The following SYT1 variants were observed in gnomAD, a reference collection of about 807,000 sequenced individuals.
The protein encoded by SYT1 is synaptotagmin-1.
In SYT1, 8 loss-of-function variants were observed where a neutral mutation model predicts 44.8. The ratio of observed to expected loss-of-function variants is 0.18; its 90% CI spans 0.10 to 0.32. The LOEUF (loss-of-function observed/expected upper bound fraction) is 0.32. Ranked by LOEUF, SYT1 falls within the 10% of genes least tolerant of loss-of-function variation. The pLI is 1.00. For synonymous variants in SYT1, 154 were observed against 188.8 expected (o/e 0.82, Z 1.51); for missense variants, 286 against 509.3 (o/e 0.56, Z 4.22).
At chr12:79,366,054 C>A (rs955899952) in intron 9 of SYT1, among the ~76,000 whole-genome samples, 6 of 152,146 alleles carry the variant, frequency 3.9e-5, no homozygotes, top group Admixed American at 2.0e-4. Flanking sequence ...TTTATAAAAA[C>A]AATTAAGCAT....
chr12:79,205,331 C>A (rs1874056170), intron 3 of SYT1, among the ~76,000 whole-genome samples: 1 of 152,236 alleles, frequency 6.6e-6, no homozygotes. Flanking sequence ...TGAAAAAACT[C>A]ATATCTTTTC....
chr12:79,381,929 C>T (rs1488372753), intron 9 of SYT1, among the ~76,000 whole-genome samples: 1 of 152,072 alleles, frequency 6.6e-6, no homozygotes, highest in Non-Finnish European at 1.5e-5. Flanking sequence ...CTCAGAGGGG[C>T]GTCTATCTGG....
At chr12:79,325,276 G>C (rs1470490643) in intron 8 of SYT1, among the ~76,000 whole-genome samples, 2 of 152,164 alleles carry the variant, frequency 1.3e-5, no homozygotes, top group Non-Finnish European at 2.9e-5. Context: ...AGAGTTCCTG[G>C]TATTTACAGT....
At chr12:79,092,692 A>G (rs545462459) in intron 3 of SYT1, among the ~76,000 whole-genome samples, 151 of 151,846 alleles carry the variant, frequency 9.9e-4, no homozygotes, top group Non-Finnish European at 1.9e-3. Flanking sequence ...ACCCAGTCAA[A>G]TACTACGATC....
chr12:79,289,699 T>C (rs1879480367), intron 5 of SYT1, among the ~76,000 whole-genome samples: 1 of 152,172 alleles, frequency 6.6e-6, no homozygotes, highest in Admixed American at 6.6e-5. Flanking sequence ...AACATGCAGA[T>C]TTATCAAACA....
At chr12:78,998,357 T>C (rs1343780958) in intron 2 of SYT1, among the ~76,000 whole-genome samples, 1 of 152,132 alleles carries the variant, frequency 6.6e-6, no homozygotes, top group Non-Finnish European at 1.5e-5. Flanking sequence ...TAACCCTAAA[T>C]ATGTGAACTC....
At chr12:78,872,492 G>C (rs1431117396) in intron 1 of SYT1, among the ~76,000 whole-genome samples, 2 of 151,744 alleles carry the variant, frequency 1.3e-5, no homozygotes, top group Non-Finnish European at 2.9e-5. Context: ...CTCACAGCCT[G>C]AATAGGAAAG....
chr12:79,070,934 T>C (rs1383596786), intron 3 of SYT1, among the ~76,000 whole-genome samples: 1 of 152,022 alleles, frequency 6.6e-6, no homozygotes, highest in Non-Finnish European at 1.5e-5. Context: ...TAGCCAAAAT[T>C]TGAGATAAGT....
chr12:78,920,589 C>A (rs567314842), intron 1 of SYT1, among the ~76,000 whole-genome samples: 8 of 151,900 alleles, frequency 5.3e-5, no homozygotes, highest in African/African-American at 1.9e-4. Context: ...TCTAAATAAG[C>A]ATTTTTTATT....
chr12:79,294,173 A>G (rs1056580847), intron 6 of SYT1, among the ~76,000 whole-genome samples: 6 of 152,082 alleles, frequency 3.9e-5, no homozygotes, highest in African/African-American at 1.2e-4. Flanking sequence ...TATTAATACT[A>G]TAAGTATCAT....
chr12:79,271,541 G>C (rs777634018), intron 4 of SYT1, among the ~76,000 whole-genome samples: 4 of 152,048 alleles, frequency 2.6e-5, no homozygotes, highest in Non-Finnish European at 4.4e-5. Flanking sequence ...TAACACCTGG[G>C]AAATAAATAA....
Position 78,865,651 on chromosome 12 carries a change from A to G in SYT1, c.-217+542A>G, listed in dbSNP as rs1053999753. The stretch of plus-strand genomic sequence containing the variant: ...AGCAATTAAACTGAATAAGGGGAGT[A>G]GACAACCAGTCCAGCTTGGGCTGTC... On this transcript the variant is annotated intron_variant, in intron 1 of 10. Coordinates refer to ENST00000261205, the MANE Select transcript of SYT1 (RefSeq NM_005639.3). Among the ~76,000 whole-genome samples, 9 of 152,246 alleles carry G rather than the reference A, an allele frequency of 5.9e-5. No individual in the cohort carries two copies. The East Asian group carries it at 1.7e-3, about 30-fold the overall frequency.
chr12:78,946,905 C>G (rs545761678), intron 1 of SYT1, among the ~76,000 whole-genome samples: 3 of 152,190 alleles, frequency 2.0e-5, no homozygotes, highest in Non-Finnish European at 4.4e-5. Flanking sequence ...TTGGGATGAA[C>G]AGTAGGAGCA....
At chr12:79,351,890 G>A (rs1364407211) in intron 8 of SYT1, among the ~76,000 whole-genome samples, 1 of 152,164 alleles carries the variant, frequency 6.6e-6, no homozygotes, top group Admixed American at 6.5e-5. Context: ...TGTGGAAAGT[G>A]ATAATTTAAT....
At chr12:79,088,981 A>G (rs1381406467) in intron 3 of SYT1, among the ~76,000 whole-genome samples, 1 of 152,086 alleles carries the variant, frequency 6.6e-6, no homozygotes, top group Non-Finnish European at 1.5e-5. Flanking sequence ...TGGCTTCAAG[A>G]ATGAAAATTT....
chr12:79,041,264 T>G (rs907668001), intron 2 of SYT1, among the ~76,000 whole-genome samples: 4 of 152,190 alleles, frequency 2.6e-5, no homozygotes, highest in African/African-American at 9.7e-5. Flanking sequence ...GAGCATGGAA[T>G]GTTCTTCCAT....
intron 9 of SYT1, among the ~76,000 whole-genome samples, chr12:79,371,147 T>C (rs1053843720): frequency 8.5e-5 from 13 of 152,190 alleles, no homozygotes; most frequent in Non-Finnish European, 1.8e-4. Context: ...TATCCCCATA[T>C]ATGAATGAGA....
chr12:78,865,883 G>A (rs1399920160), intron 1 of SYT1, among the ~76,000 whole-genome samples: 1 of 150,822 alleles, frequency 6.6e-6, no homozygotes, highest in Non-Finnish European at 1.5e-5. Context: ...GCACATCAGT[G>A]TTAATATCTG....
intron 3 of SYT1, among the ~76,000 whole-genome samples, chr12:79,183,859 C>T (rs1286759894): frequency 6.6e-6 from 1 of 152,056 alleles, no homozygotes; most frequent in Non-Finnish European, 1.5e-5. Flanking sequence ...CAGGAAACAA[C>T]TTTGTTTTTA....
Sources: gnomAD v4.1 joint callset for allele counts (sites outside exome capture counted in the v4.1 genomes callset) on GRCh38, gnomAD v4.1.1 for gene constraint, MANE v1.5 for transcripts, NCBI Gene and HGNC (gene_info 2026-07-23, HGNC 2026-07-21) for gene names.